RNF150: variants seen among roughly 807,000 people sequenced by gnomAD.
RNF150 encodes ring finger protein 150.
RNF150 carries 24 observed loss-of-function variants against 39.3 expected under a neutral mutation model. The observed-to-expected ratio is 0.61, with a 90% CI of 0.44 to 0.86. RNF150 has a LOEUF of 0.86. Among genes scored for constraint, RNF150 ranks in the 40% least tolerant of loss-of-function variants. The pLI is 0.00. For synonymous variants in RNF150, 255 were observed against 227.3 expected, an observed-to-expected ratio of 1.12 and a Z score of -1.10; for missense variants, 502 against 587.8, an observed-to-expected ratio of 0.85 and a Z score of 1.51.
intron 1 of RNF150, among the ~76,000 whole-genome samples, chr4:141,187,971 C>T (rs929376588): frequency 6.6e-6 from 1 of 152,082 alleles, no homozygotes; most frequent in African/African-American, 2.4e-5. Flanking sequence ...GTATGTTTTT[C>T]CAGTGGCTGG....
At chr4:140,994,267 C>T (rs1277344784) in intron 1 of RNF150, among the ~76,000 whole-genome samples, 1 of 152,184 alleles carries the variant, frequency 6.6e-6, no homozygotes, top group African/African-American at 2.4e-5. Context: ...TAGAAAGCTG[C>T]AGCCAGATCT....
chr4:140,922,416 C>T (rs926944341), intron 5 of RNF150, among the ~76,000 whole-genome samples: 8 of 148,846 alleles, frequency 5.4e-5, no homozygotes, highest in African/African-American at 1.5e-4. Flanking sequence ...TTATACGGGA[C>T]GGGAAGGACC....
At chr4:140,897,261 G>T (rs998245176) in intron 6 of RNF150, among the ~76,000 whole-genome samples, 3 of 152,172 alleles carry the variant, frequency 2.0e-5, no homozygotes, top group African/African-American at 7.2e-5. Flanking sequence ...GACGCTGCAG[G>T]GATAAGATAC....
intron 1 of RNF150, among the ~76,000 whole-genome samples, chr4:141,001,772 C>T (rs1302340338): frequency 6.6e-6 from 1 of 152,050 alleles, no homozygotes; most frequent in Admixed American, 6.6e-5. Context: ...ATAGAGTATT[C>T]TCTTTTTATT....
chr4:140,966,813 T>G (rs1355682073), intron 2 of RNF150, among the ~76,000 whole-genome samples: 1 of 152,186 alleles, frequency 6.6e-6, no homozygotes, highest in African/African-American at 2.4e-5. Context: ...GCCATTGCCC[T>G]GGCAACTAAA....
chr4:141,067,070 A>C (rs1737490095), intron 1 of RNF150, among the ~76,000 whole-genome samples: 1 of 152,184 alleles, frequency 6.6e-6, no homozygotes. Context: ...CAATTAAAAT[A>C]GGGTATTATA....
At chr4:140,960,125 T>C (rs960215422) in intron 2 of RNF150, among the ~76,000 whole-genome samples, 1 of 152,206 alleles carries the variant, frequency 6.6e-6, no homozygotes, top group African/African-American at 2.4e-5. Context: ...TCTAGCCCTT[T>C]GGTTCTCTTC....
At chr4:141,111,404 T>C (rs1739379801) in intron 1 of RNF150, among the ~76,000 whole-genome samples, 1 of 152,196 alleles carries the variant, frequency 6.6e-6, no homozygotes, top group Non-Finnish European at 1.5e-5. Flanking sequence ...AATTAAAAAG[T>C]AAGTATTATC....
intron 1 of RNF150, among the ~76,000 whole-genome samples, chr4:141,046,145 A>G (rs1736566128): frequency 6.6e-6 from 1 of 152,200 alleles, no homozygotes. Context: ...TGAAATTATG[A>G]TCCCGAGATA....
intron 5 of RNF150, among the ~76,000 whole-genome samples, chr4:140,922,354 G>A (rs988591695): frequency 6.7e-6 from 1 of 150,002 alleles, no homozygotes; most frequent in Non-Finnish European, 1.5e-5. Context: ...AATCATGAGT[G>A]AACTCCCACT....
At chr4:140,980,244 T>C (rs1164632734) in intron 1 of RNF150, among the ~76,000 whole-genome samples, 2 of 151,966 alleles carry the variant, frequency 1.3e-5, no homozygotes, top group African/African-American at 4.8e-5. Flanking sequence ...GGTTTCACTA[T>C]GTTGGCCATG....
intron 1 of RNF150, among the ~76,000 whole-genome samples, chr4:141,023,481 T>A (rs941862144): frequency 6.6e-6 from 1 of 152,176 alleles, no homozygotes; most frequent in East Asian, 1.9e-4. Context: ...CTTGAACTCC[T>A]GACTTCAAGT....
chr4:141,132,832 C>G lies in RNF150; in HGVS notation c.-24G>C. The G allele has an allele frequency of 6.3e-7, 1 of 1,596,772 alleles. No homozygotes were observed. The highest frequency in any genetic ancestry group is 8.6e-7 in the Non-Finnish European group (1 of 1,168,454). ...ATCTTTATCCGCCGGGGCCCCCTCC[C>G]CGCCCCCGCGCCCTCCCTCCGTCCC... On this transcript the variant is annotated 5_prime_UTR_variant, in exon 1 of 7. Transcript: ENST00000515673. This position sits in a 1 kb window ranked among gnomAD's most constrained non-coding sequence, Gnocchi z 4.9.
At chr4:140,884,719 T>TA (rs1453938341) in intron 6 of RNF150, among the ~76,000 whole-genome samples, 2 of 152,146 alleles carry the variant, frequency 1.3e-5, no homozygotes, top group Non-Finnish European at 2.9e-5. Context: ...TGCTGCCTTG[T>TA]TCCTGTCTGT....
chr4:141,132,950 G>A lies in RNF150; in HGVS notation c.-142C>T. On this transcript the variant is annotated 5_prime_UTR_variant, in exon 1 of 7. Coordinates refer to ENST00000515673, the MANE Select transcript of RNF150 (RefSeq NM_020724.2). This position sits in a 1 kb window ranked among gnomAD's most constrained non-coding sequence, Gnocchi z 4.9. Reference sequence around the variant, plus strand: ...GCCGGAGGGGCCGCGGCCGGGACGCGCAGCCGCCGCGGGGACCGGATTCCG... The same window carrying A: ...GCCGGAGGGGCCGCGGCCGGGACGCACAGCCGCCGCGGGGACCGGATTCCG... The A allele has an allele frequency of 3.2e-6, 2 of 625,948 alleles. No homozygotes were observed. Among genetic ancestry groups the A allele is most frequent in the Non-Finnish European group, 2.6e-6 (1 of 381,420 alleles). 38.8% of individuals were successfully genotyped at this position (625,948 alleles called of 1,614,324 possible).
At position 140,910,415 on chromosome 4, in the gene RNF150, C is replaced by A. The variant is rs541680512; in HGVS notation, c.1198+729G>T. Among the ~76,000 whole-genome samples the A allele has an allele frequency of 4.6e-5, 7 of 152,234 alleles. No individual in the cohort carries two copies. The East Asian group carries it at 7.7e-4, about 17-fold the overall frequency. On this transcript the variant is annotated intron_variant, in intron 6 of 6. Transcript: ENST00000515673. ...CTTATATTAGACTGAATAGTAGGTA[C>A]TTTAGATTTTTACTTCTATCTTGAT...
At chr4:140,944,433 C>T (rs1475050469) in intron 4 of RNF150, 1 of 152,078 alleles carries the variant, frequency 6.6e-6, no homozygotes, top group Non-Finnish European at 1.5e-5. Context: ...TCTGGGGGGC[C>T]TCACCTTCAT....
chr4:140,954,655 T>G (rs1348481979), intron 2 of RNF150, among the ~76,000 whole-genome samples: 1 of 152,122 alleles, frequency 6.6e-6, no homozygotes, highest in Non-Finnish European at 1.5e-5. Flanking sequence ...TTATGGAAAA[T>G]AAATACAGAG....
rs184135056 is a variant in RNF150, at chr4:141,061,698, A to C, written c.484+70627T>G. Among the ~76,000 whole-genome samples, 716 of 152,288 alleles carry C rather than the reference A, an allele frequency of 4.7e-3. 3 individuals carry two copies. The highest frequency in any genetic ancestry group is 6.5e-3 in the Non-Finnish European group (440 of 68,000). The stretch of plus-strand genomic sequence containing the variant: ...TTCCAAGGAAGCCTTGCAAATTTAG[A>C]CTTACTCTGCCTAAAGAGCACAGTA... On this transcript the variant is annotated intron_variant, in intron 1 of 6. Coordinates refer to ENST00000515673, the MANE Select transcript of RNF150 (RefSeq NM_020724.2).
Sources: allele counts gnomAD v4.1 joint callset (sites outside exome capture counted in the v4.1 genomes callset), GRCh38; gene constraint gnomAD v4.1.1; non-coding constraint Gnocchi (gnomAD v3.1); transcripts MANE v1.5; gene names NCBI Gene and HGNC (gene_info 2026-07-23, HGNC 2026-07-21).